RIPK3: variants seen among roughly 807,000 people sequenced by gnomAD.
The protein encoded by RIPK3 is receptor-interacting serine/threonine-protein kinase 3.
In RIPK3, 51 loss-of-function variants were observed where a neutral mutation model predicts 51.6. That is an observed-to-expected ratio of 0.99 (90% confidence interval 0.79 to 1.25). RIPK3 has a LOEUF of 1.25. RIPK3 is among the 50% of genes most tolerant of loss of function. RIPK3 has a pLI of 0.00. For synonymous variants in RIPK3, 246 were observed against 257.7 expected (o/e 0.95, Z 0.44); for missense variants, 654 against 650.4 (o/e 1.01, Z -0.06).
Position 24,339,124 on chromosome 14 carries a change from A to C in RIPK3, c.362T>G (p.Leu121Arg), listed in dbSNP as rs762503112. 6.2e-7 allele frequency: 1 copy of C among 1,614,208 alleles called. No homozygotes were observed. Residue 121 changes from leucine (L) to arginine (R), a missense_variant, in exon 3 of 10, where the codon CTG becomes CGG. By Grantham distance (102) the Leu-to-Arg change is moderately radical (BLOSUM62 -2). Coordinates refer to ENST00000216274, the MANE Select transcript of RIPK3 (RefSeq NM_006871.4). This position sits in a 1 kb window ranked among gnomAD's most constrained non-coding sequence, Gnocchi z 4.0. Reference protein sequence around the residue: ...PRPWPLLCRLLKEVVLGMFYL... With the variant: ...PRPWPLLCRLRKEVVLGMFYL... The stretch of plus-strand genomic sequence containing the variant: ...AAACATCCCAAGCACCACTTCTTTC[A>C]GCAGGCGGCAAAGGAGCGGCCAGGG...
rs143896248 is a variant in RIPK3, at chr14:24,337,094, C to T, written c.1267G>A (p.Gly423Arg). The T allele has an allele frequency of 2.6e-4, 413 of 1,611,918 alleles. 2 individuals are homozygous for T. In the South Asian group the frequency reaches 4.2e-3, roughly 17 times the overall value. Reference sequence around the variant, plus strand: ...TCCTGTCAATGTCTCACCTGATTCCCTCGGGGTCCAGGACTTGGTGTTCCA... The same window carrying T: ...TCCTGTCAATGTCTCACCTGATTCCTTCGGGGTCCAGGACTTGGTGTTCCA... ...STGTPSPGPR[G>R]NQGAERQGMN... The change falls in exon 8 of 10, where the codon GGG becomes AGG. Residue 423 changes from glycine to arginine, a missense_variant. Transcript: ENST00000216274.
At position 24,339,086 on chromosome 14, in the gene RIPK3, G is replaced by T. The variant is rs1452433745; in HGVS notation, c.400C>A (p.Gln134Lys). The T allele has an allele frequency of 6.2e-7, 1 of 1,614,198 alleles. No individual in the cohort carries two copies. Among genetic ancestry groups the T allele is most frequent in the Non-Finnish European group, 8.5e-7 (1 of 1,180,034 alleles). The stretch of plus-strand genomic sequence containing the variant: ...TCCCGGTGCAGGAGCACCGGGTTCT[G>T]GTCGTGCAGGTAAAACATCCCAAGC... ...VVLGMFYLHD[Q>K]NPVLLHRDLK... The change falls in exon 3 of 10, where the codon CAG (glutamine) becomes AAG (lysine). Residue 134 changes from glutamine to lysine, a missense_variant. Gln to Lys is a moderately conservative substitution (Grantham distance 53). Transcript: ENST00000216274. The surrounding 1 kb of genome is among the most constrained non-coding windows in gnomAD (Gnocchi z 4.0).
chr14:24,339,571 A>G lies in RIPK3; in HGVS notation c.47T>C (p.Val16Ala), dbSNP rs764154171. 1 of 1,614,094 alleles carries G rather than the reference A, an allele frequency of 6.2e-7. No individual in the cohort carries two copies. ...CTGGTTCTCCAGTTCCTCGATGGAC[A>G]CCAAGGGGGCGGGGGCACCGCTGGG... ...LWPSGAPAPL[V>A]SIEELENQEL... The change falls in exon 2 of 10, where the codon GTG becomes GCG. Residue 16 changes from valine to alanine, a missense_variant. Physicochemically the swap from Val to Ala is moderately conservative, Grantham distance 64 (BLOSUM62 0). Coordinates refer to ENST00000216274, the MANE Select transcript of RIPK3 (RefSeq NM_006871.4). The surrounding 1 kb of genome is among the most constrained non-coding windows in gnomAD (Gnocchi z 4.0).
At chr14:24,337,041 T>A (rs747070103) in intron 8 of RIPK3, 45 bp downstream of exon 8, 1 of 1,608,364 alleles carries the variant, frequency 6.2e-7, no homozygotes, top group Non-Finnish European at 8.5e-7. Context: ...GGGGACAGCA[T>A]TTATAGGACT....
chr14:24,338,957 T>C, intron 3 of RIPK3, 58 bp downstream of exon 3: 1 of 1,415,782 alleles, frequency 7.1e-7, no homozygotes, highest in Non-Finnish European at 1.0e-6. Context: ...CCGGCGGGCC[T>C]GGCTGGAGCA....
At chr14:24,337,532 G>C (rs572227719) in intron 7 of RIPK3, 72 bp from the exon 8 acceptor site, 2 of 1,611,256 alleles carry the variant, frequency 1.2e-6, no homozygotes, top group Admixed American at 1.7e-5. Context: ...GTAGTCTCTC[G>C]GTCCATAATC....
Position 24,336,290 on chromosome 14 carries a change from G to A in RIPK3, c.1442C>T (p.Pro481Leu). 1 of 1,614,044 alleles carries A rather than the reference G, an allele frequency of 6.2e-7. No homozygotes were observed. The highest frequency in any genetic ancestry group is 8.5e-7 in the Non-Finnish European group (1 of 1,180,032). The change falls in exon 10 of 10, where the codon CCT becomes CTT. Residue 481 changes from proline to leucine, a missense_variant. Pro to Leu is a moderately conservative substitution (Grantham distance 98). Transcript: ENST00000216274. ...TTALPTWGLA[P>L]SGKGRGLQHP... is the part of the protein sequence containing the mutation. The stretch of plus-strand genomic sequence containing the variant: ...CTGCAAGCCCCTCCCCTTGCCCGAA[G>A]GTGCCAAGCCCCATGTGGGCAAGGC...
intron 5 of RIPK3, 59 bp from the exon 6 acceptor site, chr14:24,338,099 C>T (rs1251142046): frequency 6.2e-7 from 1 of 1,612,476 alleles, no homozygotes; most frequent in Non-Finnish European, 8.5e-7. Flanking sequence ...GAATTATCTG[C>T]TTCATCATGG....
At chr14:24,338,397 T>C (rs375390637) in intron 4 of RIPK3, 25 bp downstream of exon 4, 2 of 1,598,528 alleles carry the variant, frequency 1.3e-6, no homozygotes, top group South Asian at 2.2e-5. Flanking sequence ...GAATCCTGGC[T>C]GTGTGTTTGG....
At position 24,339,492 on chromosome 14, in the gene RIPK3, C is replaced by A. The variant is rs756084761; in HGVS notation, c.126G>T (p.Lys42Asn). 15 of 1,614,112 alleles carry A rather than the reference C, an allele frequency of 9.3e-6. No homozygotes were observed. The South Asian group carries it at 1.6e-4, about 18-fold the overall frequency. The change falls in exon 2 of 10, where the codon AAG (lysine) becomes AAT (asparagine). Residue 42 changes from lysine (K) to asparagine (N), a missense_variant. By Grantham distance (94) the Lys-to-Asn change is moderately conservative. Coordinates refer to ENST00000216274, the MANE Select transcript of RIPK3 (RefSeq NM_006871.4). The surrounding 1 kb of genome is among the most constrained non-coding windows in gnomAD (Gnocchi z 4.0). ...TCTTGACCGCCACATCGTAGCCCCA[C>A]TTCCTATGTTGCGCCCGGAACACTG... is the stretch of plus-strand genomic sequence containing the variant. The part of the protein sequence containing the change: ...FGTVFRAQHR[K>N]WGYDVAVKIV...
chr14:24,338,912 C>A (rs1356978048), intron 3 of RIPK3, 103 bp downstream of exon 3: 4 of 960,122 alleles, frequency 4.2e-6, no homozygotes, highest in Non-Finnish European at 6.5e-6. Context: ...AGAGGCTACG[C>A]CTATTCAATA....
At position 24,337,979 on chromosome 14, in the gene RIPK3, C is replaced by G; in HGVS notation, c.726G>C (p.Leu242Phe). 1 of 1,614,144 alleles carries G rather than the reference C, an allele frequency of 6.2e-7. No individual in the cohort carries two copies. The highest frequency in any genetic ancestry group is 2.2e-5 in the East Asian group (1 of 44,878). ...AVCNRQNRPS[L>F]AELPQAGPET... is the part of the protein sequence containing the mutation. ...CAGGCCCGGCTTGGGGCAGCTCAGC[C>G]AATGAAGGCCGGTTCTGCCTGTTGC... Residue 242 changes from leucine (L) to phenylalanine (F), a missense_variant, in exon 6 of 10, where the codon TTG becomes TTC. Transcript: ENST00000216274.
chr14:24,338,659 G>T, intron 3 of RIPK3, 92 bp from the exon 4 acceptor site: 1 of 1,497,626 alleles, frequency 6.7e-7, no homozygotes, highest in South Asian at 1.3e-5. Flanking sequence ...TGCAGGTTCA[G>T]CTTTGTAAAG....
chr14:24,339,785 C>T lies in RIPK3; in HGVS notation c.20+22G>A, dbSNP rs779295780. 6.4e-7 allele frequency: 1 copy of T among 1,573,460 alleles called. No individual in the cohort carries two copies. Among genetic ancestry groups the T allele is most frequent in the Admixed American group, 1.9e-5 (1 of 53,502 alleles). Reference sequence around the variant, plus strand: ...GGGTGTGAATGTCGGAGGCTGCGATCGACATGCCACTCCCTACTCACCATA... The same window carrying T: ...GGGTGTGAATGTCGGAGGCTGCGATTGACATGCCACTCCCTACTCACCATA... On this transcript the variant is annotated intron_variant, in intron 1 of 9. Transcript: ENST00000216274. The surrounding 1 kb of genome is among the most constrained non-coding windows in gnomAD (Gnocchi z 4.0).
At chr14:24,338,868 G>C in intron 3 of RIPK3, 147 bp downstream of exon 3, 1 of 724,468 alleles carries the variant, frequency 1.4e-6, no homozygotes, top group East Asian at 2.7e-5. Flanking sequence ...CTCCTGGCTG[G>C]GCTTTGTCCC....
chr14:24,339,536 C>G lies in RIPK3; in HGVS notation c.82G>C (p.Gly28Arg), dbSNP rs769130485. ...IEELENQELV[G>R]KGGFGTVFRA... is the part of the protein sequence containing the mutation. ...AACACTGTGCCGAACCCGCCTTTGC[C>G]GACGAGCTCCTGGTTCTCCAGTTCC... is the stretch of plus-strand genomic sequence containing the variant. Residue 28 changes from glycine (G) to arginine (R), a missense_variant, in exon 2 of 10, where the codon GGC becomes CGC. Coordinates refer to ENST00000216274, the MANE Select transcript of RIPK3 (RefSeq NM_006871.4). The surrounding 1 kb of genome is among the most constrained non-coding windows in gnomAD (Gnocchi z 4.0). 13 of 1,614,216 alleles carry G rather than the reference C, an allele frequency of 8.1e-6. No individual in the cohort carries two copies. Among genetic ancestry groups the G allele is most frequent in the Non-Finnish European group, 9.3e-6 (11 of 1,180,036 alleles).
chr14:24,337,437 G>A lies in RIPK3; in HGVS notation c.924C>T (p.Leu308=). ...TAGAAAATCTCCTATTGCTGCTCCT[G>A]AGCTGAGACAGGAAATCCTTTACCT... is the stretch of plus-strand genomic sequence containing the variant. ...VSTVKDFLSQ[L]RSSNRRFSIP... is the part of the protein sequence containing the mutation. The change falls in exon 8 of 10, where the codon CTC becomes CTT. Residue 308 remains leucine (L), a synonymous_variant. Coordinates refer to ENST00000216274, the MANE Select transcript of RIPK3 (RefSeq NM_006871.4). The A allele has an allele frequency of 1.9e-6, 3 of 1,613,508 alleles. No individual in the cohort carries two copies. Among genetic ancestry groups the A allele is most frequent in the Non-Finnish European group, 2.5e-6 (3 of 1,179,560 alleles).
chr14:24,339,272 C>T lies in RIPK3; in HGVS notation c.214G>A (p.Val72Met), dbSNP rs144222550. ...TCGATAACCCCTTCTAGGCGCAGCACGAATTCGTTATCCAGACTTGCCATG... is the reference window on the plus strand; with the variant it reads ...TCGATAACCCCTTCTAGGCGCAGCATGAATTCGTTATCCAGACTTGCCATG... ...KAMASLDNEF[V>M]LRLEGVIEKV... The change falls in exon 3 of 10, where the codon GTG (valine) becomes ATG (methionine). Residue 72 changes from valine (V) to methionine (M), a missense_variant. Coordinates refer to ENST00000216274, the MANE Select transcript of RIPK3 (RefSeq NM_006871.4). The surrounding 1 kb of genome is among the most constrained non-coding windows in gnomAD (Gnocchi z 4.0). 2 of 1,613,868 alleles carry T rather than the reference C, an allele frequency of 1.2e-6. No individual in the cohort carries two copies. Among genetic ancestry groups the T allele is most frequent in the African/African-American group, 2.7e-5 (2 of 74,934 alleles).
Position 24,338,018 on chromosome 14 carries a change from C to G in RIPK3, c.687G>C (p.Val229=). 1.2e-6 allele frequency: 2 copies of G among 1,614,174 alleles called. No individual in the cohort carries two copies. Among genetic ancestry groups the G allele is most frequent in the Non-Finnish European group, 1.7e-6 (2 of 1,180,042 alleles). ...EVELPTEPSL[V]YEAVCNRQNR... ...TCTGCCTGTTGCACACTGCTTCGTA[C>G]ACGAGTGATGGTTCGGTTGGCACTG... The change falls in exon 6 of 10, where the codon GTG becomes GTC. Residue 229 remains valine (V), a synonymous_variant. Transcript: ENST00000216274.
Sources: gnomAD v4.1 joint callset for allele counts on GRCh38, gnomAD v4.1.1 for gene constraint, Gnocchi (gnomAD v3.1) non-coding constraint, MANE v1.5 for transcripts, NCBI Gene and HGNC (gene_info 2026-07-23, HGNC 2026-07-21) for gene names.